The following S1PR4 variants were observed in gnomAD, a reference collection of about 807,000 sequenced individuals.
S1PR4 encodes the protein sphingosine-1-phosphate receptor 4.
A neutral mutation model predicts 0.4 loss-of-function variants in S1PR4; 1 was observed. The observed-to-expected ratio is 2.48, with a 90% confidence interval of 0.88 to 11.76. The LOEUF is 11.76. Ranked by LOEUF, S1PR4 falls within the 30% of genes most tolerant of loss-of-function variation. The pLI, the probability that S1PR4 is intolerant of heterozygous loss-of-function variation, is 0.12. For synonymous variants in S1PR4, 296 were observed against 266.7 expected (o/e 1.11, Z -1.07); for missense variants, 595 against 557.8 (o/e 1.07, Z -0.67).
chr19:3,179,416 C>T lies in S1PR4; in HGVS notation c.624C>T (p.Cys208=). The T allele has an allele frequency of 1.9e-6, 3 of 1,613,344 alleles. No homozygotes were observed. The highest frequency in any genetic ancestry group is 1.7e-6 in the Non-Finnish European group (2 of 1,179,940). Residue 208 remains cysteine (C), a synonymous_variant, in exon 1 of 1, where the codon TGC becomes TGT. Transcript: ENST00000246115. ...ACTCCAAGCGCTACATCCTCTTCTG[C>T]CTGGTGATCTTCGCCGGCGTCCTGG... ...PLYSKRYILF[C]LVIFAGVLAT... is the part of the protein sequence containing the mutation.
rs1252258005 is a variant in S1PR4 at position 3,179,012 on chromosome 19, C to T, written c.220C>T (p.His74Tyr). 1.9e-6 allele frequency: 3 copies of T among 1,596,728 alleles called. No individual in the cohort carries two copies. Among genetic ancestry groups the T allele is most frequent in the Non-Finnish European group, 2.6e-6 (3 of 1,176,154 alleles). ...NLLVLAAITS[H>Y]MRSRRWVYYC... ...GCTGGTGCTGGCGGCCATCACCAGC[C>T]ACATGCGGTCGCGACGCTGGGTCTA... is the stretch of plus-strand genomic sequence containing the variant. Residue 74 changes from histidine to tyrosine, a missense_variant, in exon 1 of 1, where the codon CAC (histidine) becomes TAC (tyrosine). Physicochemically the swap from His to Tyr is moderately conservative, Grantham distance 83. Coordinates refer to ENST00000246115, the MANE Select transcript of S1PR4 (RefSeq NM_003775.4).
Position 3,179,521 on chromosome 19 carries a change from C to T in S1PR4, c.729C>T (p.Arg243=), listed in dbSNP as rs755451319. The change falls in exon 1 of 1, where the codon CGC becomes CGT. Residue 243 remains arginine (R), a synonymous_variant. Coordinates refer to ENST00000246115, the MANE Select transcript of S1PR4 (RefSeq NM_003775.4). ...AGAAGGCCCCACGCCCAGCGGCCCG[C>T]CGCAAGGCCCGCCGCCTGCTGAAGA... ...SGQKAPRPAA[R]RKARRLLKTV... 3.7e-6 allele frequency: 6 copies of T among 1,611,308 alleles called. No homozygotes were observed. Among genetic ancestry groups the T allele is most frequent in the Admixed American group, 1.7e-5 (1 of 59,856 alleles).
rs759442247 is a variant in S1PR4 at position 3,179,977 on chromosome 19, C to G, written c.*30C>G. The G allele has an allele frequency of 6.6e-7, 1 of 1,504,140 alleles. No homozygotes were observed. Among genetic ancestry groups the G allele is most frequent in the Admixed American group, 2.3e-5 (1 of 42,726 alleles). The allele number at this position is 1,504,140 out of a possible 1,614,324, so 93.2% of individuals were successfully genotyped here. ...GCAGTCTTGCGTGTGGATGGTGCAG[C>G]CACCGGGTGCGTGCCAGGCAGGCCC... is the stretch of plus-strand genomic sequence containing the variant. On this transcript the variant is annotated 3_prime_UTR_variant, in exon 1 of 1. Coordinates refer to ENST00000246115, the MANE Select transcript of S1PR4 (RefSeq NM_003775.4).
In S1PR4 at chr19:3,179,209, T is replaced by G; in HGVS notation, c.417T>G (p.Thr139=). The change falls in exon 1 of 1, where the codon ACT becomes ACG. Residue 139 remains threonine (T), a synonymous_variant. Transcript: ENST00000246115. ...CCTCCACCTTCAGCCTGCTCTTCAC[T>G]GCAGGGGAGCGCTTTGCCACCATGG... is the stretch of plus-strand genomic sequence containing the variant. ...LAASTFSLLF[T]AGERFATMVR... 6.2e-7 allele frequency: 1 copy of G among 1,605,026 alleles called. No homozygotes were observed. The highest frequency in any genetic ancestry group is 8.5e-7 in the Non-Finnish European group (1 of 1,175,246).
Position 3,179,952 on chromosome 19 carries a change from G to T in S1PR4, c.*5G>T, listed in dbSNP as rs1416775929. The stretch of plus-strand genomic sequence containing the variant: ...TCCAGCGTGCGGAGCATCTGAAGTT[G>T]CAGTCTTGCGTGTGGATGGTGCAGC... On this transcript the variant is annotated 3_prime_UTR_variant, in exon 1 of 1. Coordinates refer to ENST00000246115, the MANE Select transcript of S1PR4 (RefSeq NM_003775.4). 2 of 1,510,350 alleles carry T rather than the reference G, an allele frequency of 1.3e-6. No homozygotes were observed. The highest frequency in any genetic ancestry group is 1.8e-6 in the Non-Finnish European group (2 of 1,129,754). 93.6% of individuals were successfully genotyped at this position (1,510,350 alleles called of 1,614,324 possible). A position where few individuals can be genotyped will look rare whatever the true frequency, so the allele number is the denominator to read the frequency against.
At position 3,180,233 on chromosome 19, in the gene S1PR4, G is replaced by A. The variant is rs1915523385; in HGVS notation, c.*286G>A. On this transcript the variant is annotated 3_prime_UTR_variant, in exon 1 of 1. Coordinates refer to ENST00000246115, the MANE Select transcript of S1PR4 (RefSeq NM_003775.4). ...CAACCCCGCTTCTGTGTGATTCTGG[G>A]GAAGTCCCGGCCCCTCTCTGGGCCT... 1 of 393,318 alleles carries A rather than the reference G, an allele frequency of 2.5e-6. No individual in the cohort carries two copies. The highest frequency in any genetic ancestry group is 2.1e-5 in the African/African-American group (1 of 48,086). The allele number at this position is 393,318 out of a possible 1,614,324, so 24.4% of individuals were successfully genotyped here.
chr19:3,179,940 G>A lies in S1PR4; in HGVS notation c.1148G>A (p.Ser383Asn). Residue 383 changes from serine to asparagine, a missense_variant, in exon 1 of 1, where the codon AGC (serine) becomes AAC (asparagine). By Grantham distance (46) the Ser-to-Asn change is conservative (BLOSUM62 1). Transcript: ENST00000246115. ...EPLSSISSVR[S>N]I ...CTGTCCAGCATCTCCAGCGTGCGGAGCATCTGAAGTTGCAGTCTTGCGTGT... is the reference window on the plus strand; with the variant it reads ...CTGTCCAGCATCTCCAGCGTGCGGAACATCTGAAGTTGCAGTCTTGCGTGT... The A allele has an allele frequency of 6.6e-7, 1 of 1,511,794 alleles. No individual in the cohort carries two copies. Among genetic ancestry groups the A allele is most frequent in the Non-Finnish European group, 8.8e-7 (1 of 1,130,368 alleles). The allele number at this position is 1,511,794 out of a possible 1,614,324, so 93.6% of individuals were successfully genotyped here. A position where few individuals can be genotyped will look rare whatever the true frequency, so the allele number is the denominator to read the frequency against.
Position 3,179,522 on chromosome 19 carries a change from C to T in S1PR4, c.730C>T (p.Arg244Cys), listed in dbSNP as rs768125524. The T allele has an allele frequency of 6.2e-6, 10 of 1,611,396 alleles. No individual in the cohort carries two copies. Among genetic ancestry groups the T allele is most frequent in the Admixed American group, 1.7e-5 (1 of 59,856 alleles). The change falls in exon 1 of 1, where the codon CGC becomes TGC. Residue 244 changes from arginine (R) to cysteine (C), a missense_variant. By Grantham distance (180) the Arg-to-Cys change is radical (BLOSUM62 -3). Transcript: ENST00000246115. ...GAAGGCCCCACGCCCAGCGGCCCGC[C>T]GCAAGGCCCGCCGCCTGCTGAAGAC... ...GQKAPRPAAR[R>C]KARRLLKTVL... is the part of the protein sequence containing the mutation.
At position 3,178,852 on chromosome 19, in the gene S1PR4, G is replaced by T; in HGVS notation, c.60G>T (p.Gly20=). The part of the protein sequence containing the change: ...PESCQQLAAG[G]HSRLIVLHYN... ...CCTGCCAACAGCTGGCGGCCGGCGG[G>T]CACAGCCGGCTCATTGTTCTGCACT... Residue 20 remains glycine, a synonymous_variant, in exon 1 of 1, where the codon GGG becomes GGT. Transcript: ENST00000246115. The T allele has an allele frequency of 6.5e-7, 1 of 1,534,870 alleles. No homozygotes were observed.
At position 3,179,515 on chromosome 19, in the gene S1PR4, G is replaced by C; in HGVS notation, c.723G>C (p.Ala241=). The part of the protein sequence containing the change: ...QASGQKAPRP[A]ARRKARRLLK... ...GCGGGCAGAAGGCCCCACGCCCAGC[G>C]GCCCGCCGCAAGGCCCGCCGCCTGC... Residue 241 remains alanine (A), a synonymous_variant, in exon 1 of 1, where the codon GCG becomes GCC. Coordinates refer to ENST00000246115, the MANE Select transcript of S1PR4 (RefSeq NM_003775.4). 1 of 1,610,520 alleles carries C rather than the reference G, an allele frequency of 6.2e-7. No homozygotes were observed. The highest frequency in any genetic ancestry group is 1.7e-4 in the Middle Eastern group (1 of 6,046).
Position 3,179,531 on chromosome 19 carries a change from C to G in S1PR4, c.739C>G (p.Arg247Gly). The change falls in exon 1 of 1, where the codon CGC (arginine) becomes GGC (glycine). Residue 247 changes from arginine to glycine, a missense_variant. Arg to Gly is a moderately radical substitution (Grantham distance 125). Transcript: ENST00000246115. ...ACGCCCAGCGGCCCGCCGCAAGGCC[C>G]GCCGCCTGCTGAAGACGGTGCTGAT... ...APRPAARRKA[R>G]RLLKTVLMIL... 1.2e-6 allele frequency: 2 copies of G among 1,611,860 alleles called. No individual in the cohort carries two copies. The highest frequency in any genetic ancestry group is 2.2e-5 in the South Asian group (2 of 90,980).
rs777328578 is a variant in S1PR4 at position 3,179,765 on chromosome 19, G to A, written c.973G>A (p.Gly325Arg). 60 of 1,610,064 alleles carry A rather than the reference G, an allele frequency of 3.7e-5. No individual in the cohort carries two copies. The highest frequency in any genetic ancestry group is 1.6e-4 in the Middle Eastern group (1 of 6,070). Residue 325 changes from glycine to arginine, a missense_variant, in exon 1 of 1, where the codon GGG (glycine) becomes AGG (arginine). Gly to Arg is a moderately radical substitution (Grantham distance 125). Transcript: ENST00000246115. ...AGCCGTGCTCAGCTTCCTCTGCTGCGGGTGTCTCCGGCTGGGCATGCGAGG... is the reference window on the plus strand; with the variant it reads ...AGCCGTGCTCAGCTTCCTCTGCTGCAGGTGTCTCCGGCTGGGCATGCGAGG... ...CRAVLSFLCCGCLRLGMRGPG... is the reference protein window; with the variant it reads ...CRAVLSFLCCRCLRLGMRGPG...
chr19:3,179,679 C>T lies in S1PR4; in HGVS notation c.887C>T (p.Ala296Val). 6.2e-7 allele frequency: 1 copy of T among 1,613,478 alleles called. No individual in the cohort carries two copies. Among genetic ancestry groups the T allele is most frequent in the East Asian group, 2.2e-5 (1 of 44,878 alleles). Residue 296 changes from alanine to valine, a missense_variant, in exon 1 of 1, where the codon GCC (alanine) becomes GTC (valine). Transcript: ENST00000246115. ...LRGMDWILAL[A>V]VLNSAVNPII... is the part of the protein sequence containing the mutation. ...GGCATGGACTGGATCCTGGCCCTGG[C>T]CGTCCTCAACTCGGCGGTCAACCCC...
rs199573940 is a variant in S1PR4, at chr19:3,179,523, G to T, written c.731G>T (p.Arg244Leu). The T allele has an allele frequency of 1.9e-6, 3 of 1,611,358 alleles. No homozygotes were observed. The highest frequency in any genetic ancestry group is 2.2e-5 in the South Asian group (2 of 90,944). Reference sequence around the variant, plus strand: ...AAGGCCCCACGCCCAGCGGCCCGCCGCAAGGCCCGCCGCCTGCTGAAGACG... The same window carrying T: ...AAGGCCCCACGCCCAGCGGCCCGCCTCAAGGCCCGCCGCCTGCTGAAGACG... ...GQKAPRPAARRKARRLLKTVL... is the reference protein window; with the variant it reads ...GQKAPRPAARLKARRLLKTVL... Residue 244 changes from arginine (R) to leucine (L), a missense_variant, in exon 1 of 1, where the codon CGC becomes CTC. By Grantham distance (102) the Arg-to-Leu change is moderately radical. Transcript: ENST00000246115.
Position 3,178,929 on chromosome 19 carries a change from T to TG in S1PR4, c.142dup (p.Ala48GlyfsTer45). 2.0e-6 allele frequency: 3 copies of TG among 1,530,008 alleles called. No individual in the cohort carries two copies. The highest frequency in any genetic ancestry group is 2.6e-6 in the Non-Finnish European group (3 of 1,144,158). The allele number at this position is 1,530,008 out of a possible 1,614,324, so 94.8% of individuals were successfully genotyped here. A position where few individuals can be genotyped will look rare whatever the true frequency, so the allele number is the denominator to read the frequency against. On this transcript the variant is annotated frameshift_variant, in exon 1 of 1. Coordinates refer to ENST00000246115, the MANE Select transcript of S1PR4 (RefSeq NM_003775.4). LOFTEE classifies it low-confidence loss of function (END_TRUNC). ...CGCGGGGGGCCGGAGGATGGCGGCC[T>TG]GGGGGCCCTGCGGGGGCTGTCGGTG...
In S1PR4 at chr19:3,179,080, C is replaced by T. The variant is rs546886910; in HGVS notation, c.288C>T (p.Gly96=). The T allele has an allele frequency of 2.2e-5, 35 of 1,610,480 alleles. No individual in the cohort carries two copies. The East Asian group carries it at 2.2e-4, about 10-fold the overall frequency. The change falls in exon 1 of 1, where the codon GGC becomes GGT. Residue 96 remains glycine (G), a synonymous_variant. Coordinates refer to ENST00000246115, the MANE Select transcript of S1PR4 (RefSeq NM_003775.4). ...VNITLSDLLT[G]AAYLANVLLS... ...TCACGCTGAGTGACCTGCTCACGGG[C>T]GCGGCCTACCTGGCCAACGTGCTGC... is the stretch of plus-strand genomic sequence containing the variant.
At position 3,179,739 on chromosome 19, in the gene S1PR4, GA is replaced by G; in HGVS notation, c.948del (p.Ala317ProfsTer39). ...TCCTTCCGCAGCAGGGAGGTGTGCA[GA>G]GCCGTGCTCAGCTTCCTCTGCTGCG... The part of the protein sequence containing the change: ...IYSFRSREVC[R>X]AVLSFLCCGC... On this transcript the variant is annotated frameshift_variant, in exon 1 of 1. Transcript: ENST00000246115. LOFTEE classifies it low-confidence loss of function (END_TRUNC). 1 of 1,612,946 alleles carries G rather than the reference GA, an allele frequency of 6.2e-7. No individual in the cohort carries two copies. The highest frequency in any genetic ancestry group is 8.5e-7 in the Non-Finnish European group (1 of 1,179,946).
chr19:3,178,943 G>T lies in S1PR4; in HGVS notation c.151G>T (p.Gly51Trp). Residue 51 changes from glycine (G) to tryptophan (W), a missense_variant, in exon 1 of 1, where the codon GGG becomes TGG. Coordinates refer to ENST00000246115, the MANE Select transcript of S1PR4 (RefSeq NM_003775.4). ...GGATGGCGGCCTGGGGGCCCTGCGG[G>T]GGCTGTCGGTGGCCGCCAGCTGCCT... ...PEDGGLGALRGLSVAASCLVV... is the reference protein window; with the variant it reads ...PEDGGLGALRWLSVAASCLVV... The T allele has an allele frequency of 6.5e-7, 1 of 1,538,724 alleles. No individual in the cohort carries two copies. The highest frequency in any genetic ancestry group is 8.7e-7 in the Non-Finnish European group (1 of 1,148,464).
Position 3,180,167 on chromosome 19 carries a change from G to T in S1PR4, c.*220G>T. 2 of 461,354 alleles carry T rather than the reference G, an allele frequency of 4.3e-6. No homozygotes were observed. The highest frequency in any genetic ancestry group is 1.1e-4 in the South Asian group (2 of 18,136). The allele number at this position is 461,354 out of a possible 1,614,324, so 28.6% of individuals were successfully genotyped here. ...AGGCAACCACCCCACCTCCCCGTAG[G>T]AGCAGAGAGCACCCTGGTGTGGGGG... is the stretch of plus-strand genomic sequence containing the variant. On this transcript the variant is annotated 3_prime_UTR_variant, in exon 1 of 1. Transcript: ENST00000246115.
Sources: allele counts gnomAD v4.1 joint callset, GRCh38; gene constraint gnomAD v4.1.1; transcripts MANE v1.5; gene names NCBI Gene and HGNC (gene_info 2026-07-23, HGNC 2026-07-21).